Variants in RTN4IP1 observed in about 807,000 individuals in gnomAD.
RTN4IP1 encodes the protein reticulon 4 interacting protein 1.
A neutral mutation model predicts 46.6 loss-of-function variants in RTN4IP1; 32 were observed. That is an observed-to-expected ratio of 0.69 (90% confidence interval 0.52 to 0.92). The LOEUF is 0.92. Among genes scored for constraint, RTN4IP1 ranks in the 40% least tolerant of loss-of-function variants. RTN4IP1 has a pLI of 0.00. For synonymous variants in RTN4IP1, 167 were observed against 161.8 expected (o/e 1.03, Z -0.24); for missense variants, 424 against 485.8 (o/e 0.87, Z 1.20).
intron 3 of RTN4IP1, among the ~76,000 whole-genome samples, chr6:106,620,781 T>C (rs1249222264): frequency 6.6e-6 from 1 of 152,212 alleles, no homozygotes; most frequent in African/African-American, 2.4e-5. Flanking sequence ...CAGATATAAC[T>C]ACTTCATTGT....
At chr6:106,625,096 C>T (rs765008990) in intron 1 of RTN4IP1, among the ~76,000 whole-genome samples, 9 of 151,742 alleles carry the variant, frequency 5.9e-5, no homozygotes, top group Non-Finnish European at 1.0e-4. Flanking sequence ...CCATATACAA[C>T]GTGACTTTTC....
chr6:106,610,101 G>A (rs762796263), intron 4 of RTN4IP1, among the ~76,000 whole-genome samples: 17 of 151,742 alleles, frequency 1.1e-4, no homozygotes, highest in South Asian at 6.3e-4. Context: ...TCACTCCGTC[G>A]CCCAGGCTGG....
chr6:106,601,253 T>C (rs1020850191), intron 5 of RTN4IP1, among the ~76,000 whole-genome samples: 2 of 152,314 alleles, frequency 1.3e-5, no homozygotes, highest in African/African-American at 4.8e-5. Context: ...CTTTGCTAAT[T>C]AAATACTGTG....
intron 7 of RTN4IP1, 129 bp from the exon 8 acceptor site, chr6:106,583,549 G>A: frequency 1.5e-6 from 1 of 688,214 alleles, no homozygotes. Flanking sequence ...GACAAAATGT[G>A]TGCACAGCAC....
chr6:106,594,508 T>A (rs1775735519), intron 5 of RTN4IP1, among the ~76,000 whole-genome samples: 1 of 151,246 alleles, frequency 6.6e-6, no homozygotes, highest in South Asian at 2.1e-4. Flanking sequence ...AGATTCTGTC[T>A]CAAAAAACAA....
chr6:106,622,489 T>G (rs535276744), intron 2 of RTN4IP1, among the ~76,000 whole-genome samples: 228 of 152,304 alleles, frequency 1.5e-3, no homozygotes, highest in African/African-American at 5.3e-3. Flanking sequence ...GGAGTTTATC[T>G]AAATAGTTTG....
chr6:106,580,781 C>G (rs1202541975), intron 8 of RTN4IP1, among the ~76,000 whole-genome samples: 1 of 150,926 alleles, frequency 6.6e-6, no homozygotes, highest in Non-Finnish European at 1.5e-5. Flanking sequence ...TCAGCAATTC[C>G]ATTTCCATAA....
intron 4 of RTN4IP1, among the ~76,000 whole-genome samples, chr6:106,609,103 C>A (rs1776158445): frequency 6.6e-6 from 1 of 152,212 alleles, no homozygotes; most frequent in Admixed American, 6.5e-5. Context: ...TTTTCCTCTA[C>A]AATACCCTTA....
intron 4 of RTN4IP1, among the ~76,000 whole-genome samples, chr6:106,618,019 C>G (rs1776394896): frequency 6.6e-6 from 1 of 152,112 alleles, no homozygotes; most frequent in South Asian, 2.1e-4. Context: ...AAAATGGCAA[C>G]TTCAAGAAAG....
Position 106,622,790 on chromosome 6 carries a change from G to A in RTN4IP1, c.426+28C>T, listed in dbSNP as rs112030542. The A allele has an allele frequency of 3.0e-3, 4,773 of 1,597,442 alleles. 27 individuals are homozygous for A. Among genetic ancestry groups the A allele is most frequent in the Admixed American group, 0.016 (921 of 57,492 alleles). On this transcript the variant is annotated intron_variant, in intron 2 of 8. Transcript: ENST00000369063. ...ATCAGGGTCTGTGGGTTGGATCCCC[G>A]CAGGAATAGTGGCATTCCCTAACTC...
rs534563534 is a variant in RTN4IP1 at position 106,616,584 on chromosome 6, A to T, written c.620+2618T>A. The stretch of plus-strand genomic sequence containing the variant: ...TTAATGCCAATAGCTAATAGCTAAC[A>T]GAAAAAGAACAGTTATTGCTTAGCA... On this transcript the variant is annotated intron_variant, in intron 4 of 8. Transcript: ENST00000369063. 2.0e-5 allele frequency among the ~76,000 whole-genome samples: 3 copies of T among 152,170 alleles called. No homozygotes were observed. In the South Asian group the frequency reaches 6.2e-4, roughly 32 times the overall value.
At position 106,578,975 on chromosome 6, in the gene RTN4IP1, G is replaced by A. The variant is rs540393915; in HGVS notation, c.1083+4353C>T. Among the ~76,000 whole-genome samples, 33 of 150,798 alleles carry A rather than the reference G, an allele frequency of 2.2e-4. No homozygotes were observed. In the South Asian group the frequency reaches 6.7e-3, roughly 31 times the overall value. On this transcript the variant is annotated intron_variant, in intron 8 of 8. Coordinates refer to ENST00000369063, the MANE Select transcript of RTN4IP1 (RefSeq NM_032730.5). ...AAACCAGCTGGGCGTGGTGGCTCAC[G>A]CCTGTAATCCCAGCACATTGGGAGG...
chr6:106,630,351 C>T, upstream of RTN4IP1, among the ~76,000 whole-genome samples: 1 of 152,076 alleles, frequency 6.6e-6, no homozygotes, highest in East Asian at 1.9e-4. Flanking sequence ...CTTAAAAAAG[C>T]TCTGGTATTT....
At chr6:106,576,130 A>T (rs1015399874) in intron 8 of RTN4IP1, among the ~76,000 whole-genome samples, 1 of 152,210 alleles carries the variant, frequency 6.6e-6, no homozygotes, top group African/African-American at 2.4e-5. Context: ...ACTTAAACTC[A>T]GTCTACCTTT....
chr6:106,587,118 T>C (rs1268733743), intron 7 of RTN4IP1, among the ~76,000 whole-genome samples: 1 of 152,216 alleles, frequency 6.6e-6, no homozygotes, highest in Non-Finnish European at 1.5e-5. Context: ...AAAGTACAAC[T>C]TGTTTTACTC....
At chr6:106,615,677 T>C (rs977147192) in intron 4 of RTN4IP1, among the ~76,000 whole-genome samples, 3 of 152,046 alleles carry the variant, frequency 2.0e-5, no homozygotes, top group Admixed American at 2.0e-4. Context: ...GAAGTACAAC[T>C]TTCCCGGCAA....
intron 1 of RTN4IP1, among the ~76,000 whole-genome samples, chr6:106,623,629 T>G (rs1776552524): frequency 1.3e-5 from 2 of 152,220 alleles, no homozygotes; most frequent in African/African-American, 4.8e-5. Context: ...ACTTGGAAAG[T>G]GATAATCACT....
intron 7 of RTN4IP1, among the ~76,000 whole-genome samples, chr6:106,587,324 T>C (rs1390568536): frequency 2.0e-5 from 3 of 152,196 alleles, no homozygotes; most frequent in Admixed American, 6.5e-5. Context: ...AGAGAGGCAA[T>C]AAGTAATAAT....
Position 106,571,842 on chromosome 6 carries a change from C to A in RTN4IP1, c.*154G>T. The A allele has an allele frequency of 1.8e-5, 9 of 502,846 alleles. No homozygotes were observed. Among genetic ancestry groups the A allele is most frequent in the East Asian group, 3.6e-5 (1 of 27,672 alleles). 31.1% of individuals were successfully genotyped at this position (502,846 alleles called of 1,614,324 possible). ...AGTGCTGATATTTTTATATCAATTACTGGCCAAAATGGTGTGTTTATTTTT... is the reference window on the plus strand; with the variant it reads ...AGTGCTGATATTTTTATATCAATTAATGGCCAAAATGGTGTGTTTATTTTT... On this transcript the variant is annotated 3_prime_UTR_variant, in exon 9 of 9. Transcript: ENST00000369063.
Sources: gnomAD v4.1 joint callset for allele counts (sites outside exome capture counted in the v4.1 genomes callset) on GRCh38, gnomAD v4.1.1 for gene constraint, MANE v1.5 for transcripts, NCBI Gene and HGNC (gene_info 2026-07-23, HGNC 2026-07-21) for gene names.